Variants in SPAG16 observed in about 807,000 individuals in gnomAD.
SPAG16 encodes the protein sperm associated antigen 16, also known as sperm-associated antigen 16 protein.
In SPAG16, 86 loss-of-function variants were observed where a neutral mutation model predicts 80.4. That is an observed-to-expected ratio of 1.07 (90% CI 0.90 to 1.28). The LOEUF is 1.28. Ranked by LOEUF, SPAG16 falls within the 50% of genes most tolerant of loss-of-function variation. The pLI, the probability that SPAG16 is intolerant of heterozygous loss-of-function variation, is 0.00. For missense variants in SPAG16, 870 were observed against 765.3 expected (o/e 1.14, Z -1.61); for synonymous variants, 294 against 265.9 (o/e 1.11, Z -1.03).
At chr2:214,130,053 G>A (rs1204434519) in intron 14 of SPAG16, among the ~76,000 whole-genome samples, 1 of 152,086 alleles carries the variant, frequency 6.6e-6, no homozygotes, top group Non-Finnish European at 1.5e-5. Context: ...TGAACAAAGT[G>A]GGGGTCTGGC....
intron 10 of SPAG16, among the ~76,000 whole-genome samples, chr2:213,525,606 T>C (rs1027807038): frequency 1.3e-5 from 2 of 152,134 alleles, no homozygotes; most frequent in Admixed American, 1.3e-4. Flanking sequence ...TCTTTCTTTA[T>C]AAATTACCCA....
At chr2:213,344,321 C>T (rs2124991413) in intron 6 of SPAG16, among the ~76,000 whole-genome samples, 1 of 152,128 alleles carries the variant, frequency 6.6e-6, no homozygotes, top group East Asian at 1.9e-4. Context: ...CGTTGGCTAT[C>T]TTTTTCCAAG....
At chr2:214,233,773 C>T (rs1559144856) in intron 15 of SPAG16, among the ~76,000 whole-genome samples, 2 of 152,062 alleles carry the variant, frequency 1.3e-5, no homozygotes, top group Non-Finnish European at 1.5e-5. Flanking sequence ...CCAAATCCTC[C>T]AATCCTGTAC....
intron 13 of SPAG16, among the ~76,000 whole-genome samples, chr2:214,069,788 A>G (rs2050701781): frequency 6.6e-6 from 1 of 152,136 alleles, no homozygotes. Flanking sequence ...TTTTCTAAAA[A>G]AAATCATAGA....
chr2:213,541,107 T>C (rs767254597), intron 10 of SPAG16, among the ~76,000 whole-genome samples: 1 of 152,250 alleles, frequency 6.6e-6, no homozygotes, highest in Non-Finnish European at 1.5e-5. Context: ...TTTTCCTTTT[T>C]TGACACTTCT....
At chr2:214,070,879 T>C (rs926612158) in intron 13 of SPAG16, among the ~76,000 whole-genome samples, 2 of 152,128 alleles carry the variant, frequency 1.3e-5, no homozygotes, top group African/African-American at 2.4e-5. Flanking sequence ...TGCCCAGGGC[T>C]TTATAATTTT....
intron 12 of SPAG16, among the ~76,000 whole-genome samples, chr2:213,976,127 T>TAC (rs1469759192): frequency 9.6e-6 from 1 of 104,144 alleles, no homozygotes; most frequent in African/African-American, 3.9e-5. Context: ...TATATATATA[T>TAC]ATATATATAC....
chr2:213,843,906 C>A (rs1352325788), intron 10 of SPAG16, among the ~76,000 whole-genome samples: 1 of 151,756 alleles, frequency 6.6e-6, no homozygotes, highest in Non-Finnish European at 1.5e-5. Context: ...CTCACTATGA[C>A]CTAAGTTAGG....
chr2:213,713,763 C>A lies in SPAG16; in HGVS notation c.1071-148722C>A, dbSNP rs575808184. ...GAAGATAGAAGGTGAGAGTGATTAG[C>A]TCTCAGGGTTTTTATATCAGACTGG... On this transcript the variant is annotated intron_variant, in intron 10 of 15. Transcript: ENST00000331683. Among the ~76,000 whole-genome samples the A allele has an allele frequency of 3.9e-5, 6 of 152,262 alleles. No homozygotes were observed. The South Asian group carries it at 8.3e-4, about 21-fold the overall frequency.
chr2:213,870,265 G>A (rs1027058935), intron 11 of SPAG16, among the ~76,000 whole-genome samples: 1 of 152,104 alleles, frequency 6.6e-6, no homozygotes, highest in African/African-American at 2.4e-5. Context: ...GCATAAGACT[G>A]CTTGCTTTCT....
chr2:214,274,587 G>A (rs1365384325), intron 15 of SPAG16, among the ~76,000 whole-genome samples: 1 of 152,166 alleles, frequency 6.6e-6, no homozygotes, highest in African/African-American at 2.4e-5. Context: ...CTGTTTATGT[G>A]ATGGAGTATG....
At chr2:213,833,543 TATATAA>T (rs2073887074) in intron 10 of SPAG16, among the ~76,000 whole-genome samples, 1 of 530 alleles carries the variant, frequency 1.9e-3, no homozygotes, top group African/African-American at 5.6e-3. Context: ...ATATATAATA[TATATAA>T]TATATATAAT....
At chr2:213,350,410 A>T (rs1421766505) in intron 6 of SPAG16, 118 bp from the exon 7 acceptor site, 5 of 549,910 alleles carry the variant, frequency 9.1e-6, no homozygotes, top group Non-Finnish European at 1.6e-5. Context: ...CCTTTATATG[A>T]TTATTCATTT....
At chr2:214,116,473 C>T (rs561026389) in intron 14 of SPAG16, among the ~76,000 whole-genome samples, 1 of 152,296 alleles carries the variant, frequency 6.6e-6, no homozygotes, top group African/African-American at 2.4e-5. Context: ...TATGCAAAGA[C>T]CTGCTGGGAA....
intron 3 of SPAG16, among the ~76,000 whole-genome samples, chr2:213,307,268 A>T (rs1191977020): frequency 2.1e-5 from 2 of 93,650 alleles, no homozygotes; most frequent in Non-Finnish European, 6.2e-5. Context: ...GGTTAGTTAC[A>T]TATGTATACA....
Position 214,273,533 on chromosome 2 carries a change from A to G in SPAG16, c.1720+124267A>G, listed in dbSNP as rs560360265. ...ATGACTAGCCAGTTTTCCCAACACC[A>G]TTTATTAAATAGTGAATCCTTTCCC... On this transcript the variant is annotated intron_variant, in intron 15 of 15. Coordinates refer to ENST00000331683, the MANE Select transcript of SPAG16 (RefSeq NM_024532.5). Among the ~76,000 whole-genome samples, 8 of 152,224 alleles carry G rather than the reference A, an allele frequency of 5.3e-5. 1 individual carries two copies. The South Asian group carries it at 1.7e-3, about 32-fold the overall frequency.
At chr2:213,608,913 G>T (rs557921521) in intron 10 of SPAG16, among the ~76,000 whole-genome samples, 1 of 152,330 alleles carries the variant, frequency 6.6e-6, no homozygotes, top group Non-Finnish European at 1.5e-5. Flanking sequence ...TCGATCTCCT[G>T]ACCTTGTGAT....
intron 9 of SPAG16, among the ~76,000 whole-genome samples, chr2:213,469,183 A>G (rs572017755): frequency 6.6e-5 from 10 of 152,240 alleles, no homozygotes; most frequent in Admixed American, 2.6e-4. Flanking sequence ...ACCCATACAC[A>G]TGTCCTGAGA....
chr2:213,976,343 T>C (rs1475711116), intron 12 of SPAG16, among the ~76,000 whole-genome samples: 1 of 151,480 alleles, frequency 6.6e-6, no homozygotes, highest in Non-Finnish European at 1.5e-5. Flanking sequence ...CACATATATA[T>C]ATATCAGATG....
Sources: allele counts gnomAD v4.1 joint callset (sites outside exome capture counted in the v4.1 genomes callset), GRCh38; gene constraint gnomAD v4.1.1; transcripts MANE v1.5; gene names NCBI Gene and HGNC (gene_info 2026-07-23, HGNC 2026-07-21).